The following KDM6A variants were observed in gnomAD, a reference collection of about 807,000 sequenced individuals.
KDM6A encodes the protein lysine-specific demethylase 6A.
KDM6A carries 11 observed loss-of-function variants against 117.6 expected under a neutral mutation model. The observed-to-expected ratio is 0.09, with a 90% CI of 0.06 to 0.15. The LOEUF (loss-of-function observed/expected upper bound fraction) is 0.15. Among genes scored for constraint, KDM6A ranks in the 10% least tolerant of loss-of-function variants. KDM6A has a pLI of 1.00. For missense variants in KDM6A, 799 were observed against 1,077.3 expected (o/e 0.74, Z 3.62); for synonymous variants, 384 against 396.1 (o/e 0.97, Z 0.36).
At chrX:44,992,696 G>T (rs972087329) in intron 4 of KDM6A, among the ~76,000 whole-genome samples, 2 of 108,455 alleles carry the variant, frequency 1.8e-5, no homozygotes, top group Non-Finnish European at 3.8e-5. Context: ...GACTACAGGC[G>T]CATGCTACCA....
chrX:45,040,630 A>T (rs1394027112), intron 8 of KDM6A, among the ~76,000 whole-genome samples: 2 of 72,434 alleles, frequency 2.8e-5, no homozygotes, highest in Non-Finnish European at 5.1e-5. Context: ...GGGGCTGATC[A>T]CACCACTTCC....
At chrX:44,875,781 T>C (rs2031467375) in intron 2 of KDM6A, among the ~76,000 whole-genome samples, 1 of 111,545 alleles carries the variant, frequency 9.0e-6, no homozygotes, top group Non-Finnish European at 1.9e-5. Flanking sequence ...CTTTTGGTTA[T>C]GGTGATGAAA....
At chrX:44,903,221 T>A (rs761565959) in intron 2 of KDM6A, among the ~76,000 whole-genome samples, 1 of 112,270 alleles carries the variant, frequency 8.9e-6, no homozygotes, top group South Asian at 3.7e-4. Context: ...AATTTCCCCT[T>A]TGTAATTAAG....
At chrX:44,928,594 A>T (rs1170972302) in intron 2 of KDM6A, among the ~76,000 whole-genome samples, 1 of 112,221 alleles carries the variant, frequency 8.9e-6, no homozygotes, top group African/African-American at 3.2e-5. Context: ...GTAAAAGCAG[A>T]TACAACCGCA....
At chrX:44,929,103 T>C (rs2036475837) in intron 2 of KDM6A, among the ~76,000 whole-genome samples, 1 of 110,658 alleles carries the variant, frequency 9.0e-6, no homozygotes, top group African/African-American at 3.3e-5. Flanking sequence ...GCTAATTTTT[T>C]GTATTTTTAG....
intron 27 of KDM6A, among the ~76,000 whole-genome samples, chrX:45,103,016 G>A (rs952394269): frequency 3.6e-5 from 4 of 110,758 alleles, no homozygotes; most frequent in Non-Finnish European, 3.8e-5. Context: ...CTTGGTGTTC[G>A]TTAAGTTATC....
At chrX:44,960,381 A>G (rs1249221586) in intron 2 of KDM6A, among the ~76,000 whole-genome samples, 1 of 111,949 alleles carries the variant, frequency 8.9e-6, no homozygotes, top group Non-Finnish European at 1.9e-5. Context: ...TGAGAGAATT[A>G]GAGCTTTGTT....
At chrX:45,035,043 TAAC>T in intron 7 of KDM6A, 58 bp downstream of exon 7, 1 of 901,686 alleles carries the variant, frequency 1.1e-6, no homozygotes, top group East Asian at 3.1e-5. Flanking sequence ...TCATGGCAAA[TAAC>T]AATAATGTTA....
chrX:44,913,292 TTAAC>T (rs1412141890), intron 2 of KDM6A, among the ~76,000 whole-genome samples: 10 of 76,982 alleles, frequency 1.3e-4, no homozygotes, highest in African/African-American at 4.5e-4. Flanking sequence ...CAAATATGTG[TTAAC>T]TGTTTTTTTT....
In KDM6A at chrX:45,069,832, C is replaced by T. The variant is rs2230018; in HGVS notation, c.2333C>T (p.Thr778Met). The T allele has an allele frequency of 2.6e-4, 309 of 1,208,747 alleles. No homozygotes were observed. Among genetic ancestry groups the T allele is most frequent in the Middle Eastern group, 1.1e-3 (5 of 4,350 alleles). ...KESKPSGNIL[T>M]VPETSRHTGE... Reference sequence around the variant, plus strand: ...AGCAAGCCTTCAGGAAACATATTGACGGTGCCTGAAACAAGCAGGCACACT... The same window carrying T: ...AGCAAGCCTTCAGGAAACATATTGATGGTGCCTGAAACAAGCAGGCACACT... Residue 778 changes from threonine (T) to methionine (M), a missense_variant, in exon 18 of 30, where the codon ACG (threonine) becomes ATG (methionine). By Grantham distance (81) the Thr-to-Met change is moderately conservative (BLOSUM62 -1). Around this residue, in one of 8 missense-constraint regions of KDM6A, gnomAD observed 301 missense variants for 318.3 expected, o/e 0.95. Transcript: ENST00000611820.
chrX:45,028,298 AC>A (rs1454080958), intron 6 of KDM6A, among the ~76,000 whole-genome samples: 1 of 112,466 alleles, frequency 8.9e-6, no homozygotes, highest in Non-Finnish European at 1.9e-5. Flanking sequence ...CCAGGCAGAT[AC>A]CAAAAAATAT....
At chrX:45,019,246 A>G (rs1374614862) in intron 5 of KDM6A, among the ~76,000 whole-genome samples, 3 of 111,168 alleles carry the variant, frequency 2.7e-5, no homozygotes, top group South Asian at 3.8e-4. Flanking sequence ...CTCAAAGCCT[A>G]TATACATCAG....
At chrX:44,940,157 A>G (rs1217265866) in intron 2 of KDM6A, among the ~76,000 whole-genome samples, 1 of 111,125 alleles carries the variant, frequency 9.0e-6, no homozygotes, top group Admixed American at 9.6e-5. Flanking sequence ...GGTTCAAGCA[A>G]TTCTAGTGCC....
At chrX:45,107,279 TGAAA>T in intron 27 of KDM6A, 127 bp from the exon 28 acceptor site, 2 of 635,537 alleles carry the variant, frequency 3.1e-6, no homozygotes, top group Non-Finnish European at 5.0e-6. Context: ...GATAAATTGA[TGAAA>T]GAAAAATTAT....
chrX:44,905,879 C>G (rs1194753408), intron 2 of KDM6A, among the ~76,000 whole-genome samples: 1 of 112,367 alleles, frequency 8.9e-6, no homozygotes, highest in African/African-American at 3.2e-5. Flanking sequence ...AAGTTTATGA[C>G]TTTTTGTTTT....
chrX:45,026,232 T>A (rs960123631), intron 6 of KDM6A, among the ~76,000 whole-genome samples: 3 of 112,296 alleles, frequency 2.7e-5, no homozygotes, highest in Non-Finnish European at 5.6e-5. Flanking sequence ...GCAGTATGCT[T>A]GCCATCTTAT....
At chrX:45,004,052 C>A (rs2041307918) in intron 4 of KDM6A, among the ~76,000 whole-genome samples, 2 of 110,701 alleles carry the variant, frequency 1.8e-5, no homozygotes, top group South Asian at 7.6e-4. Flanking sequence ...CCCCTGACCT[C>A]CCTATTCTTC....
intron 2 of KDM6A, among the ~76,000 whole-genome samples, chrX:44,942,666 CTA>C (rs2037401841): frequency 9.2e-6 from 1 of 108,903 alleles, no homozygotes; most frequent in Non-Finnish European, 1.9e-5. Flanking sequence ...CTTTATATCT[CTA>C]TATAAATATA....
chrX:45,044,610 G>C (rs1389715362), intron 8 of KDM6A, among the ~76,000 whole-genome samples: 1 of 111,515 alleles, frequency 9.0e-6, no homozygotes, highest in Non-Finnish European at 1.9e-5. Context: ...ATGTTTGCAT[G>C]TTTATTTCTA....
Sources: allele counts gnomAD v4.1 joint callset (sites outside exome capture counted in the v4.1 genomes callset), GRCh38; gene constraint gnomAD v4.1.1; regional missense constraint gnomAD v4.1.1; transcripts MANE v1.5; gene names NCBI Gene and HGNC (gene_info 2026-07-23, HGNC 2026-07-21).